GNRHR: variants seen among roughly 807,000 people sequenced by gnomAD.
GNRHR encodes gonadotropin releasing hormone receptor, also known as gonadotropin-releasing hormone receptor.
Under a neutral mutation model 28.1 loss-of-function variants are expected in GNRHR, and 14 were observed. The ratio of observed to expected loss-of-function variants is 0.50; its 90% CI spans 0.33 to 0.78. The LOEUF is 0.78. Ranked by LOEUF, GNRHR falls within the 30% of genes least tolerant of loss-of-function variation. The probability of loss-of-function intolerance (pLI) is 0.02; values close to 1 mark genes in which losing one functional copy is unlikely to be tolerated. For synonymous variants in GNRHR, 141 were observed against 140.5 expected, an observed-to-expected ratio of 1.00 and a Z score of -0.02; for missense variants, 366 against 382.1, an observed-to-expected ratio of 0.96 and a Z score of 0.35.
At chr4:67,741,085 G>A (rs114225673) in intron 2 of GNRHR, among the ~76,000 whole-genome samples, 2,516 of 151,944 alleles carry the variant, frequency 0.017, 72 homozygotes, top group African/African-American at 0.056. Flanking sequence ...TTTGGGGACT[G>A]ATGGTGTTTG....
rs757022427 is a variant in GNRHR at position 67,744,582 on chromosome 4, T to C, written c.728A>G (p.His243Arg). The change falls in exon 2 of 3, where the codon CAT becomes CGT. Residue 243 changes from histidine (H) to arginine (R), a missense_variant. By Grantham distance (29) the His-to-Arg change is conservative. Transcript: ENST00000226413. ...KIIFTLTRVL[H>R]QDPHELQLNQ... ...GGAATACATACCGTGGGGGTCCTGATGAAGGACCCGTGTCAGGGTGAAGAT... is the reference window on the plus strand; with the variant it reads ...GGAATACATACCGTGGGGGTCCTGACGAAGGACCCGTGTCAGGGTGAAGAT... The C allele has an allele frequency of 1.3e-6, 2 of 1,590,032 alleles. No homozygotes were observed. The highest frequency in any genetic ancestry group is 1.7e-5 in the Admixed American group (1 of 59,972).
intron 2 of GNRHR, among the ~76,000 whole-genome samples, chr4:67,742,099 T>C (rs1560516801): frequency 6.6e-6 from 1 of 152,328 alleles, no homozygotes; most frequent in South Asian, 2.1e-4. Flanking sequence ...CATTTGGTTT[T>C]GGGCTCTTGG....
At position 67,744,571 on chromosome 4, in the gene GNRHR, G is replaced by T. The variant is rs1259487855; in HGVS notation, c.739C>A (p.His247Asn). The T allele has an allele frequency of 1.9e-6, 3 of 1,553,252 alleles. No homozygotes were observed. Among genetic ancestry groups the T allele is most frequent in the East Asian group, 4.5e-5 (2 of 44,580 alleles). ...TLTRVLHQDPHELQLNQSKNN... is the reference protein window; with the variant it reads ...TLTRVLHQDPNELQLNQSKNN... ...ACTAACTCTAAGGAATACATACCGT[G>T]GGGGTCCTGATGAAGGACCCGTGTC... The change falls in exon 2 of 3, where the codon CAC becomes AAC. Residue 247 changes from histidine (H) to asparagine (N), a missense_variant. Coordinates refer to ENST00000226413, the MANE Select transcript of GNRHR (RefSeq NM_000406.3).
chr4:67,748,943 G>A (rs1476881753), intron 1 of GNRHR, among the ~76,000 whole-genome samples: 1 of 151,842 alleles, frequency 6.6e-6, no homozygotes, highest in Non-Finnish European at 1.5e-5. Context: ...GTGATTGTTG[G>A]AAGCATTATA....
At position 67,740,492 on chromosome 4, in the gene GNRHR, A is replaced by C. The variant is rs553463955; in HGVS notation, c.975T>G (p.Tyr325Ter). 6.2e-7 allele frequency: 1 copy of C among 1,603,292 alleles called. No homozygotes were observed. Among genetic ancestry groups the C allele is most frequent in the South Asian group, 1.1e-5 (1 of 90,858 alleles). The change falls in exon 3 of 3, where the codon TAT becomes TAG. Residue 325 changes from tyrosine (Y) to a stop codon, truncating the protein, a stop_gained. Transcript: ENST00000226413. LOFTEE classifies it high-confidence loss of function. ...TGTAGTCTATCAATCACAGAGAAAA[A>C]TATCCATAGATAAGTGGATCAAAGC... ...NPCFDPLIYGYFSL is the reference protein window; with the variant it reads ...NPCFDPLIYG
chr4:67,748,340 T>C (rs12498975), intron 1 of GNRHR, among the ~76,000 whole-genome samples: 4,301 of 152,194 alleles, frequency 0.028, 106 homozygotes, highest in East Asian at 0.1. Flanking sequence ...AATGAGTTAA[T>C]ACATGCAAAG....
intron 1 of GNRHR, 36 bp from the exon 2 acceptor site, chr4:67,744,823 C>T (rs763658888): frequency 9.7e-6 from 12 of 1,232,498 alleles, no homozygotes; most frequent in Non-Finnish European, 1.4e-5. Flanking sequence ...TTACTTTTTT[C>T]CATATGGTAT....
At chr4:67,750,468 G>T (rs1326935643) in intron 1 of GNRHR, among the ~76,000 whole-genome samples, 3 of 152,080 alleles carry the variant, frequency 2.0e-5, no homozygotes, top group African/African-American at 7.2e-5. Flanking sequence ...TTGTGATATA[G>T]AATTTTTTAA....
In GNRHR at chr4:67,737,373, G is replaced by T. The variant is rs369819758; in HGVS notation, c.*3107C>A. Among the ~76,000 whole-genome samples the T allele has an allele frequency of 6.6e-6, 1 of 152,008 alleles. No individual in the cohort carries two copies. Among genetic ancestry groups the T allele is most frequent in the South Asian group, 2.1e-4 (1 of 4,820 alleles). On this transcript the variant is annotated 3_prime_UTR_variant, in exon 3 of 3. Transcript: ENST00000226413. Reference sequence around the variant, plus strand: ...TGATAAGCAAGATTATATTGAATCTGATTTTTTTTCTTTTAAAATTTCTTT... The same window carrying T: ...TGATAAGCAAGATTATATTGAATCTTATTTTTTTTCTTTTAAAATTTCTTT...
rs375822061 is a variant in GNRHR, at chr4:67,749,309, C to T, written c.522+4505G>A. 8.5e-5 allele frequency among the ~76,000 whole-genome samples: 13 copies of T among 152,202 alleles called. No homozygotes were observed. In the South Asian group the frequency reaches 1.0e-3, roughly 12 times the overall value. On this transcript the variant is annotated intron_variant, in intron 1 of 2. Transcript: ENST00000226413. ...CTAAGGAGTGGCCCACATTTCTTGC[C>T]GGCAGGCCTGGGTTAACCATAGAAT...
intron 2 of GNRHR, among the ~76,000 whole-genome samples, chr4:67,741,049 A>T (rs1214647496): frequency 3.3e-5 from 5 of 152,046 alleles, no homozygotes; most frequent in African/African-American, 7.2e-5. Context: ...TCTTAAAAAA[A>T]TTATTTTTTT....
chr4:67,754,186 C>G lies in GNRHR; in HGVS notation c.150G>C (p.Ala50=). The change falls in exon 1 of 3, where the codon GCG becomes GCC. Residue 50 remains alanine (A), a synonymous_variant. Coordinates refer to ENST00000226413, the MANE Select transcript of GNRHR (RefSeq NM_000406.3). ...TCAACAAGAAAGAAGCATTAAAGGT[C>G]GCAGAGAGCAGAAAAAGGAAGAAAG... ...TVTFFLFLLS[A]TFNASFLLKL... 1 of 1,614,034 alleles carries G rather than the reference C, an allele frequency of 6.2e-7. No homozygotes were observed. The highest frequency in any genetic ancestry group is 8.5e-7 in the Non-Finnish European group (1 of 1,179,962).
chr4:67,748,555 G>A (rs538164764), intron 1 of GNRHR, among the ~76,000 whole-genome samples: 14 of 151,892 alleles, frequency 9.2e-5, no homozygotes, highest in African/African-American at 3.4e-4. Flanking sequence ...GCCTCCTACA[G>A]GTAAAAAGGA....
intron 2 of GNRHR, among the ~76,000 whole-genome samples, chr4:67,740,935 G>A (rs1252795889): frequency 6.6e-6 from 1 of 152,100 alleles, no homozygotes; most frequent in Non-Finnish European, 1.5e-5. Context: ...AGATGATAGT[G>A]CTCTTATTTC....
chr4:67,742,903 A>G (rs1466411526), intron 2 of GNRHR, among the ~76,000 whole-genome samples: 1 of 152,182 alleles, frequency 6.6e-6, no homozygotes, highest in Non-Finnish European at 1.5e-5. Flanking sequence ...TTTTTAGCAG[A>G]CAAAACCAAT....
intron 1 of GNRHR, among the ~76,000 whole-genome samples, chr4:67,745,331 G>C (rs1039068383): frequency 1.1e-4 from 16 of 151,116 alleles, no homozygotes; most frequent in African/African-American, 3.9e-4. Flanking sequence ...CAGCTGAAAA[G>C]AGCTTCCACT....
intron 1 of GNRHR, among the ~76,000 whole-genome samples, chr4:67,750,736 C>T (rs1192889080): frequency 6.6e-6 from 1 of 151,618 alleles, no homozygotes; most frequent in Non-Finnish European, 1.5e-5. Context: ...ATGAATTACT[C>T]AAATAATAGA....
intron 1 of GNRHR, among the ~76,000 whole-genome samples, chr4:67,751,043 G>A (rs894500312): frequency 1.3e-5 from 2 of 152,160 alleles, no homozygotes; most frequent in Non-Finnish European, 2.9e-5. Context: ...AACAGAGCAC[G>A]TGACACTGGG....
At position 67,738,645 on chromosome 4, in the gene GNRHR, T is replaced by TA. The variant is rs1388419414; in HGVS notation, c.*1834dup. ...TAGGAATAAGTATATGATAGAGACT[T>TA]AGAGGACACTGGTTTTGTTTCAACT... On this transcript the variant is annotated 3_prime_UTR_variant, in exon 3 of 3. Transcript: ENST00000226413. 2.0e-5 allele frequency among the ~76,000 whole-genome samples: 3 copies of TA among 151,980 alleles called. No individual in the cohort carries two copies. Among genetic ancestry groups the TA allele is most frequent in the African/African-American group, 7.2e-5 (3 of 41,432 alleles).
Sources: gnomAD v4.1 joint callset for allele counts (sites outside exome capture counted in the v4.1 genomes callset) on GRCh38, gnomAD v4.1.1 for gene constraint, MANE v1.5 for transcripts, NCBI Gene and HGNC (gene_info 2026-07-23, HGNC 2026-07-21) for gene names.